The following COL11A1 variants were observed in gnomAD, a reference collection of about 807,000 sequenced individuals.
COL11A1 encodes the protein collagen alpha-1(XI) chain.
In COL11A1, 74 loss-of-function variants were observed where a neutral mutation model predicts 265.2. That is an observed-to-expected ratio of 0.28 (90% CI 0.23 to 0.34). The LOEUF is 0.34. Ranked by LOEUF, COL11A1 falls within the 10% of genes least tolerant of loss-of-function variation. The pLI is 1.00. For missense variants in COL11A1, 2,165 were observed against 2,263.6 expected (o/e 0.96, Z 0.88); for synonymous variants, 816 against 727.6 (o/e 1.12, Z -1.96).
chr1:103,105,427 T>A (rs1222372963), intron 1 of COL11A1, among the ~76,000 whole-genome samples: 10 of 152,160 alleles, frequency 6.6e-5, no homozygotes, highest in Admixed American at 6.5e-4. Flanking sequence ...TTTTTCAAAG[T>A]AAAATAATAT....
chr1:103,012,709 G>A (rs1666230656), intron 13 of COL11A1, among the ~76,000 whole-genome samples: 1 of 152,064 alleles, frequency 6.6e-6, no homozygotes, highest in Non-Finnish European at 1.5e-5. Flanking sequence ...ATATTGCTAT[G>A]ACTTAATCAA....
intron 64 of COL11A1, among the ~76,000 whole-genome samples, chr1:102,882,243 G>C (rs1650343808): frequency 4.6e-5 from 7 of 152,162 alleles, no homozygotes; most frequent in Admixed American, 4.6e-4. Context: ...ATTACTCCCT[G>C]CTGGTTAGAA....
At chr1:103,031,454 T>C (rs904561952) in intron 4 of COL11A1, among the ~76,000 whole-genome samples, 5 of 152,162 alleles carry the variant, frequency 3.3e-5, no homozygotes, top group African/African-American at 4.8e-5. Context: ...TGTTATTCTA[T>C]GTTATCTTCT....
chr1:103,089,381 T>G lies in COL11A1; in HGVS notation c.107-6409A>C, dbSNP rs181927152. ...TGATCCCAGTGTCTTGTATTTCCCC[T>G]TAGATCACCCTACACTATTTTGTTC... On this transcript the variant is annotated intron_variant, in intron 1 of 66. Coordinates refer to ENST00000370096, the MANE Select transcript of COL11A1 (RefSeq NM_001854.4). 5.2e-3 allele frequency among the ~76,000 whole-genome samples: 796 copies of G among 152,240 alleles called. 8 individuals are homozygous for G. The highest frequency in any genetic ancestry group is 0.018 in the African/African-American group (763 of 41,546).
chr1:103,043,245 C>A (rs1335199472), intron 4 of COL11A1, among the ~76,000 whole-genome samples: 2 of 145,712 alleles, frequency 1.4e-5, no homozygotes, highest in African/African-American at 2.6e-5. Flanking sequence ...TGAAATACAT[C>A]ATATATATGA....
rs1173329613 is a variant in COL11A1, at chr1:102,912,176, C to A, written c.4069G>T (p.Gly1357Cys). 6.2e-7 allele frequency: 1 copy of A among 1,611,622 alleles called. No homozygotes were observed. Among genetic ancestry groups the A allele is most frequent in the Non-Finnish European group, 8.5e-7 (1 of 1,178,948 alleles). ...AAACTTACTCGTTTTCCAGGAGGAC[C>A]TGGTGGGCCAGCCTCACCAGATGGG... ...PGPSGEAGPP[G>C]PPGKRGPPGA... The change falls in exon 54 of 67, where the codon GGT becomes TGT. Residue 1357 changes from glycine to cysteine, a missense_variant. Gly to Cys is a radical substitution (Grantham distance 159). Coordinates refer to ENST00000370096, the MANE Select transcript of COL11A1 (RefSeq NM_001854.4).
chr1:102,921,933 G>C (rs1234163798), intron 47 of COL11A1, among the ~76,000 whole-genome samples: 1 of 152,182 alleles, frequency 6.6e-6, no homozygotes, highest in Non-Finnish European at 1.5e-5. Flanking sequence ...TGCTTGAATA[G>C]AATTAGAATT....
chr1:102,950,510 T>TC (rs1433218328), intron 41 of COL11A1, among the ~76,000 whole-genome samples: 1 of 152,146 alleles, frequency 6.6e-6, no homozygotes, highest in Non-Finnish European at 1.5e-5. Context: ...TCCTCAGTCA[T>TC]CCTAGAAAAT....
intron 66 of COL11A1, among the ~76,000 whole-genome samples, chr1:102,879,442 T>C (rs1649953919): frequency 6.6e-6 from 1 of 152,204 alleles, no homozygotes; most frequent in Non-Finnish European, 1.5e-5. Context: ...AAATAACATA[T>C]AATCCAAGAT....
In COL11A1 at chr1:102,894,751, T is replaced by C. The variant is rs547709267; in HGVS notation, c.4302+3374A>G. ...ATATAGGCTGATCATCATCCTTAGC[T>C]TTTGATTAGCTTCCATATGTGCTAT... On this transcript the variant is annotated intron_variant, in intron 57 of 66. Transcript: ENST00000370096. 2.4e-3 allele frequency among the ~76,000 whole-genome samples: 368 copies of C among 152,266 alleles called. 2 individuals are homozygous for C. The highest frequency in any genetic ancestry group is 8.4e-3 in the African/African-American group (348 of 41,556).
At position 102,962,772 on chromosome 1, in the gene COL11A1, A is replaced by G. The variant is rs376121653; in HGVS notation, c.2917-12T>C. ...TCACCGGTTGGTCCCTAAATTAGAT[A>G]AGCAAAATCACTTTAGATTGCTCTT... On this transcript the variant is annotated splice_polypyrimidine_tract_variant and intron_variant, in intron 38 of 66. Coordinates refer to ENST00000370096, the MANE Select transcript of COL11A1 (RefSeq NM_001854.4). The G allele has an allele frequency of 9.3e-6, 15 of 1,610,392 alleles. No homozygotes were observed. Among genetic ancestry groups the G allele is most frequent in the Non-Finnish European group, 1.2e-5 (14 of 1,176,654 alleles).
intron 43 of COL11A1, 102 bp from the exon 44 acceptor site, chr1:102,939,190 C>G (rs905853483): frequency 9.5e-7 from 1 of 1,048,604 alleles, no homozygotes; most frequent in Non-Finnish European, 1.5e-6. Context: ...TAATTACATG[C>G]TAGTGTGTAA....
intron 1 of COL11A1, among the ~76,000 whole-genome samples, chr1:103,098,322 C>T (rs995897840): frequency 6.6e-6 from 1 of 151,888 alleles, no homozygotes; most frequent in Non-Finnish European, 1.5e-5. Context: ...ACTCGACTTC[C>T]AGTGCCTAGT....
At chr1:102,905,538 G>A (rs1009526062) in intron 54 of COL11A1, among the ~76,000 whole-genome samples, 5 of 150,040 alleles carry the variant, frequency 3.3e-5, no homozygotes, top group Admixed American at 3.3e-4. Flanking sequence ...AAAAGTGCTG[G>A]GATCGTGGGT....
Position 102,921,508 on chromosome 1 carries a change from G to C in COL11A1, c.3708+10C>G, listed in dbSNP as rs1454281496. The C allele has an allele frequency of 6.2e-7, 1 of 1,607,452 alleles. No homozygotes were observed. The highest frequency in any genetic ancestry group is 8.5e-7 in the Non-Finnish European group (1 of 1,174,604). ...TTCAAAATAATTAACATATATTTCA[G>C]AGTTCTTACATCAGCTCCATTGGGA... On this transcript the variant is annotated intron_variant, in intron 48 of 66. Transcript: ENST00000370096.
chr1:103,103,255 A>G (rs1674430721), intron 1 of COL11A1, among the ~76,000 whole-genome samples: 1 of 152,088 alleles, frequency 6.6e-6, no homozygotes, highest in Non-Finnish European at 1.5e-5. Context: ...ATGTATACAT[A>G]AAATATATGT....
intron 57 of COL11A1, among the ~76,000 whole-genome samples, chr1:102,895,082 A>C (rs2100897422): frequency 6.6e-6 from 1 of 152,336 alleles, no homozygotes; most frequent in African/African-American, 2.4e-5. Flanking sequence ...CAAGTTTTTT[A>C]CCATGTGAAA....
At position 102,939,684 on chromosome 1, in the gene COL11A1, CA is replaced by C. The variant is rs1374760977; in HGVS notation, c.3385-597del. 1.1e-4 allele frequency among the ~76,000 whole-genome samples: 13 copies of C among 119,634 alleles called. No homozygotes were observed. In the South Asian group the frequency reaches 4.0e-3, roughly 37 times the overall value. The allele number at this position is 119,634 out of a possible 152,430, so 78.5% of individuals were successfully genotyped here. A position where few individuals can be genotyped will look rare whatever the true frequency, so the allele number is the denominator to read the frequency against. On this transcript the variant is annotated intron_variant, in intron 43 of 66. Transcript: ENST00000370096. ...CACCACTGCACTCCAGCCTGGGCGA[CA>C]AAAAAAGACTCTCTCTCTCAAAAAA...
In COL11A1 at chr1:102,970,060, A is replaced by T. The variant is rs923001906; in HGVS notation, c.2862+159T>A. 9.9e-5 allele frequency among the ~76,000 whole-genome samples: 15 copies of T among 151,418 alleles called. No homozygotes were observed. The East Asian group carries it at 1.5e-3, about 16-fold the overall frequency. On this transcript the variant is annotated intron_variant, in intron 37 of 66. Transcript: ENST00000370096. ...ATTTCTTGTATCTATTTTTGTATTT[A>T]TATATATATGTATATTTCAATAAAA...
Sources: gnomAD v4.1 joint callset for allele counts (sites outside exome capture counted in the v4.1 genomes callset) on GRCh38, gnomAD v4.1.1 for gene constraint, MANE v1.5 for transcripts, NCBI Gene and HGNC (gene_info 2026-07-23, HGNC 2026-07-21) for gene names.